Variants in DPYD observed in about 807,000 individuals in gnomAD.
DPYD encodes the protein dihydropyrimidine dehydrogenase.
DPYD carries 109 observed loss-of-function variants against 116.2 expected under a neutral mutation model. That is an observed-to-expected ratio of 0.94 (90% CI 0.80 to 1.10). The LOEUF (loss-of-function observed/expected upper bound fraction) is 1.10, where lower values mean the gene tolerates loss of function less well. Ranked by LOEUF, DPYD falls within the 50% of genes least tolerant of loss-of-function variation. The probability of loss-of-function intolerance (pLI) is 0.00; values close to 1 mark genes in which losing one functional copy is unlikely to be tolerated. For missense variants in DPYD, 1,302 were observed against 1,254.5 expected (o/e 1.04, Z -0.57); for synonymous variants, 440 against 432.0 (o/e 1.02, Z -0.23).
At chr1:97,325,188 C>A (rs141440619) in intron 16 of DPYD, among the ~76,000 whole-genome samples, 5 of 151,906 alleles carry the variant, frequency 3.3e-5, no homozygotes, top group African/African-American at 7.3e-5. Flanking sequence ...TAAAACTTTG[C>A]GCTTTTTTTC....
intron 8 of DPYD, among the ~76,000 whole-genome samples, chr1:97,665,646 C>G (rs549526233): frequency 1.3e-5 from 2 of 152,104 alleles, no homozygotes; most frequent in African/African-American, 4.8e-5. Flanking sequence ...TATTCAATAT[C>G]CAGGTATTTT....
chr1:97,674,432 A>G (rs1011305319), intron 8 of DPYD, among the ~76,000 whole-genome samples: 11 of 152,184 alleles, frequency 7.2e-5, no homozygotes, highest in Non-Finnish European at 1.3e-4. Context: ...TTGATCAGTT[A>G]CCTAAATGTG....
chr1:97,882,688 T>C (rs1402252395), intron 2 of DPYD, among the ~76,000 whole-genome samples: 1 of 152,056 alleles, frequency 6.6e-6, no homozygotes, highest in Non-Finnish European at 1.5e-5. Flanking sequence ...ACCTCCTATA[T>C]ACAGTTAAAC....
intron 8 of DPYD, among the ~76,000 whole-genome samples, chr1:97,659,136 C>T (rs1045037316): frequency 3.9e-5 from 6 of 152,160 alleles, no homozygotes; most frequent in Non-Finnish European, 8.8e-5. Flanking sequence ...ATCTCTCTAT[C>T]ACTACTTATG....
At chr1:97,789,479 A>G (rs897713814) in intron 3 of DPYD, among the ~76,000 whole-genome samples, 2 of 152,230 alleles carry the variant, frequency 1.3e-5, no homozygotes, top group African/African-American at 4.8e-5. Flanking sequence ...GTAAGATACA[A>G]AACCCTGCAT....
chr1:97,669,237 G>A (rs567842588), intron 8 of DPYD, among the ~76,000 whole-genome samples: 10 of 151,982 alleles, frequency 6.6e-5, no homozygotes, highest in East Asian at 1.9e-4. Context: ...AAGTCAAAAC[G>A]TTGTTTTAAA....
At chr1:97,170,209 T>G (rs1656623431) in intron 20 of DPYD, among the ~76,000 whole-genome samples, 1 of 152,198 alleles carries the variant, frequency 6.6e-6, no homozygotes, top group Admixed American at 6.5e-5. Flanking sequence ...GAGTAAGGAC[T>G]GTATGAATGG....
At chr1:97,102,419 A>ATATATATATATATG (rs1650779014) in intron 20 of DPYD, among the ~76,000 whole-genome samples, 1 of 131,692 alleles carries the variant, frequency 7.6e-6, no homozygotes, top group African/African-American at 2.6e-5. Context: ...ATATATATAT[A>ATATATATATATATG]TGTATATATG....
chr1:97,402,098 C>G (rs74342159), intron 14 of DPYD, among the ~76,000 whole-genome samples: 3 of 152,166 alleles, frequency 2.0e-5, no homozygotes, highest in African/African-American at 7.2e-5. Context: ...ATTGTGTTAG[C>G]TATTCTGGGT....
In DPYD at chr1:97,756,339, C is replaced by T. The variant is rs537174059; in HGVS notation, c.234-15860G>A. 1.9e-4 allele frequency among the ~76,000 whole-genome samples: 29 copies of T among 152,170 alleles called. No individual in the cohort carries two copies. The South Asian group carries it at 4.6e-3, about 24-fold the overall frequency. Reference sequence around the variant, plus strand: ...TGACTTGGCAATCATTATCTTATAGCGCAGGGTGGTGGGAGCAGGCAGGGA... The same window carrying T: ...TGACTTGGCAATCATTATCTTATAGTGCAGGGTGGTGGGAGCAGGCAGGGA... On this transcript the variant is annotated intron_variant, in intron 3 of 22. Coordinates refer to ENST00000370192, the MANE Select transcript of DPYD (RefSeq NM_000110.4).
At chr1:97,405,313 T>C (rs990926771) in intron 14 of DPYD, among the ~76,000 whole-genome samples, 9 of 152,102 alleles carry the variant, frequency 5.9e-5, no homozygotes, top group Middle Eastern at 3.2e-3. Context: ...TCCAAGTTTC[T>C]GGCCTATATA....
intron 14 of DPYD, among the ~76,000 whole-genome samples, chr1:97,419,563 T>C (rs908880802): frequency 6.6e-6 from 1 of 151,862 alleles, no homozygotes; most frequent in Non-Finnish European, 1.5e-5. Context: ...TTTAGAAGAA[T>C]TGAATACGAT....
chr1:97,432,276 C>G (rs1437162285), intron 14 of DPYD, among the ~76,000 whole-genome samples: 1 of 152,098 alleles, frequency 6.6e-6, no homozygotes, highest in African/African-American at 2.4e-5. Context: ...TTAGAGCCCT[C>G]TCCCACACCC....
intron 16 of DPYD, among the ~76,000 whole-genome samples, chr1:97,328,834 C>T (rs907796571): frequency 1.2e-4 from 18 of 152,006 alleles, no homozygotes; most frequent in African/African-American, 4.3e-4. Context: ...AATAAATGTA[C>T]TTAAAGTATG....
At chr1:97,130,365 C>A (rs1333612731) in intron 20 of DPYD, among the ~76,000 whole-genome samples, 2 of 152,144 alleles carry the variant, frequency 1.3e-5, no homozygotes, top group East Asian at 3.9e-4. Context: ...TCAGACATTT[C>A]TTGAGGGAAT....
intron 3 of DPYD, among the ~76,000 whole-genome samples, chr1:97,826,537 A>G (rs2101473616): frequency 6.6e-6 from 1 of 152,246 alleles, no homozygotes; most frequent in African/African-American, 2.4e-5. Flanking sequence ...ATAGAGAATA[A>G]CTGCAGTTTT....
intron 3 of DPYD, among the ~76,000 whole-genome samples, chr1:97,747,538 T>C (rs1339939993): frequency 2.0e-5 from 3 of 152,142 alleles, no homozygotes; most frequent in East Asian, 1.9e-4. Context: ...CTCTGTCTTG[T>C]AGTAATGAGG....
intron 3 of DPYD, among the ~76,000 whole-genome samples, chr1:97,766,732 T>G (rs1443946742): frequency 6.6e-6 from 1 of 152,140 alleles, no homozygotes; most frequent in Non-Finnish European, 1.5e-5. Context: ...ATAATTGTAG[T>G]ATGGATTTTG....
intron 11 of DPYD, among the ~76,000 whole-genome samples, chr1:97,556,434 C>A (rs1651720495): frequency 6.8e-6 from 1 of 148,060 alleles, no homozygotes; most frequent in African/African-American, 2.5e-5. Context: ...ATACATGTGC[C>A]ATGCTGGTGT....
Sources: allele counts gnomAD v4.1 joint callset (sites outside exome capture counted in the v4.1 genomes callset), GRCh38; gene constraint gnomAD v4.1.1; transcripts MANE v1.5; gene names NCBI Gene and HGNC (gene_info 2026-07-23, HGNC 2026-07-21).